Variants in ADAMTS5 observed in about 807,000 individuals in gnomAD.
ADAMTS5 encodes the protein ADAM metallopeptidase with thrombospondin type 1 motif 5.
In ADAMTS5, 54 loss-of-function variants were observed where a neutral mutation model predicts 81.4. That is an observed-to-expected ratio of 0.66 (90% CI 0.53 to 0.83). The LOEUF (loss-of-function observed/expected upper bound fraction) is 0.83. Ranked by LOEUF, ADAMTS5 falls within the 40% of genes least tolerant of loss-of-function variation. The pLI, the probability that ADAMTS5 is intolerant of heterozygous loss-of-function variation, is 0.00. For synonymous variants in ADAMTS5, 532 were observed against 508.8 expected (o/e 1.05, Z -0.61); for missense variants, 1,194 against 1,229.9 (o/e 0.97, Z 0.44).
At chr21:26,959,406 T>G (rs188613331) in intron 1 of ADAMTS5, among the ~76,000 whole-genome samples, 92 of 152,256 alleles carry the variant, frequency 6.0e-4, no homozygotes, top group South Asian at 6.2e-4. Context: ...TCAGGGGCAT[T>G]AAATGCTCCA....
intron 3 of ADAMTS5, among the ~76,000 whole-genome samples, chr21:26,941,807 T>C (rs1027259723): frequency 7.2e-5 from 11 of 152,080 alleles, no homozygotes; most frequent in African/African-American, 2.4e-4. Flanking sequence ...AGACTTAAGA[T>C]TCCACCCAAG....
intron 2 of ADAMTS5, among the ~76,000 whole-genome samples, chr21:26,952,804 T>G (rs1008256939): frequency 6.6e-6 from 1 of 152,210 alleles, no homozygotes; most frequent in African/African-American, 2.4e-5. Context: ...ACCTTTCTTA[T>G]GGGACTCCTC....
chr21:26,950,841 T>G (rs233898), intron 2 of ADAMTS5, among the ~76,000 whole-genome samples: 46,261 of 151,972 alleles, frequency 0.3, 7,564 homozygotes, highest in South Asian at 0.41. Context: ...CTATTTACCT[T>G]ATGAGTTAAT....
At chr21:26,946,528 T>C (rs1987219189) in intron 2 of ADAMTS5, among the ~76,000 whole-genome samples, 2 of 152,126 alleles carry the variant, frequency 1.3e-5, no homozygotes, top group East Asian at 1.9e-4. Context: ...GACATCTGCC[T>C]TTTCAGGGAG....
intron 3 of ADAMTS5, among the ~76,000 whole-genome samples, chr21:26,938,229 G>A (rs549488259): frequency 6.6e-6 from 1 of 151,378 alleles, no homozygotes; most frequent in African/African-American, 2.4e-5. Flanking sequence ...GGGCAACAAA[G>A]AGCGAAACTC....
rs1030260060 is a variant in ADAMTS5 at position 26,921,803 on chromosome 21, C to T, written c.*2250G>A. The T allele has an allele frequency of 6.6e-6, 1 of 152,322 alleles. No individual in the cohort carries two copies. The highest frequency in any genetic ancestry group is 2.4e-5 in the African/African-American group (1 of 41,364). 9.4% of individuals were successfully genotyped at this position (152,322 alleles called of 1,614,324 possible). A position where few individuals can be genotyped will look rare whatever the true frequency, so the allele number is the denominator to read the frequency against. ...GATTGTTTCCATGACAGGTGTAAAC[C>T]ATCACTATTTGAGGGAAACATGAAT... On this transcript the variant is annotated 3_prime_UTR_variant, in exon 8 of 8. Coordinates refer to ENST00000284987, the MANE Select transcript of ADAMTS5 (RefSeq NM_007038.5).
chr21:26,929,984 G>A lies in ADAMTS5; in HGVS notation c.2127C>T (p.Asp709=), dbSNP rs778127590. 15 of 1,613,898 alleles carry A rather than the reference G, an allele frequency of 9.3e-6. No homozygotes were observed. Among genetic ancestry groups the A allele is most frequent in the East Asian group, 2.2e-5 (1 of 44,892 alleles). The change falls in exon 7 of 8, where the codon GAC becomes GAT. Residue 709 remains aspartate, a synonymous_variant. Coordinates refer to ENST00000284987, the MANE Select transcript of ADAMTS5 (RefSeq NM_007038.5). ...ACTGCAGCTTTGAGCCAATGATGCC[G>A]TCACAGCCAGTTCTCACACACTTCC... ...VRGKCVRTGC[D]GIIGSKLQYD... is the part of the protein sequence containing the mutation.
Position 26,929,906 on chromosome 21 carries a change from A to AAC in ADAMTS5, c.2203_2204dup (p.Gly736LeufsTer15). On this transcript the variant is annotated frameshift_variant, in exon 7 of 8. Coordinates refer to ENST00000284987, the MANE Select transcript of ADAMTS5 (RefSeq NM_007038.5). LOFTEE classifies it high-confidence loss of function. ...ATTACCTTTTCTTATTAAAGGTTCC[A>AAC]ACAATCTTTGTACAGCTGGAGTTGT... 1 of 1,614,078 alleles carries AAC rather than the reference A, an allele frequency of 6.2e-7. No individual in the cohort carries two copies. Among genetic ancestry groups the AAC allele is most frequent in the Non-Finnish European group, 8.5e-7 (1 of 1,179,938 alleles).
In ADAMTS5 at chr21:26,966,526, G is replaced by A; in HGVS notation, c.-135C>T. The A allele has an allele frequency of 1.1e-6, 1 of 892,496 alleles. No individual in the cohort carries two copies. Among genetic ancestry groups the A allele is most frequent in the Non-Finnish European group, 1.5e-6 (1 of 651,876 alleles). The allele number at this position is 892,496 out of a possible 1,614,324, so 55.3% of individuals were successfully genotyped here. On this transcript the variant is annotated 5_prime_UTR_variant, in exon 1 of 8. Coordinates refer to ENST00000284987, the MANE Select transcript of ADAMTS5 (RefSeq NM_007038.5). ...GGATTGAGTCAAGTGTCGGAGGGAG[G>A]GGGGCCCGGCAGCAGCGCCAGCCTG...
intron 1 of ADAMTS5, among the ~76,000 whole-genome samples, chr21:26,959,653 A>G (rs1987491270): frequency 6.6e-6 from 1 of 152,226 alleles, no homozygotes. Context: ...ATTTAGAGGT[A>G]TACTAAATAT....
intron 4 of ADAMTS5, among the ~76,000 whole-genome samples, chr21:26,933,719 G>C (rs1986957986): frequency 6.6e-6 from 1 of 152,206 alleles, no homozygotes; most frequent in Non-Finnish European, 1.5e-5. Flanking sequence ...TAGAGATTCT[G>C]AAAGGAAGAA....
intron 5 of ADAMTS5, among the ~76,000 whole-genome samples, 155 bp downstream of exon 5, chr21:26,932,706 A>AACAAAC (rs144587796): frequency 9.3e-5 from 14 of 151,258 alleles, no homozygotes; most frequent in Non-Finnish European, 5.9e-5. Flanking sequence ...ATCTCAAAAA[A>AACAAAC]AAACAAACAC....
rs1175252840 is a variant in ADAMTS5 at position 26,919,208 on chromosome 21, C to A, written c.*4845G>T. 6.6e-6 allele frequency: 1 copy of A among 151,050 alleles called. No homozygotes were observed. The highest frequency in any genetic ancestry group is 1.5e-5 in the Non-Finnish European group (1 of 67,806). The allele number at this position is 151,050 out of a possible 1,614,324, so 9.4% of individuals were successfully genotyped here. A position where few individuals can be genotyped will look rare whatever the true frequency, so the allele number is the denominator to read the frequency against. ...AGGAAAGTGGAAAAAAATTAAAAAG[C>A]ATGCCCTGTTTTTTATTTGTTTTTT... is the stretch of plus-strand genomic sequence containing the variant. On this transcript the variant is annotated 3_prime_UTR_variant, in exon 8 of 8. Transcript: ENST00000284987.
rs558075524 is a variant in ADAMTS5, at chr21:26,965,787, G to A, written c.605C>T (p.Ala202Val). The A allele has an allele frequency of 6.2e-7, 1 of 1,603,520 alleles. No individual in the cohort carries two copies. Among genetic ancestry groups the A allele is most frequent in the African/African-American group, 1.3e-5 (1 of 74,844 alleles). ...TTCGCAGCTGGCGCGCGGCGGCAGG[G>A]CCTCGAAGCTGAAGCCCTCGCGGGT... ...VYTREGFSFE[A>V]LPPRASCETP... Residue 202 changes from alanine (A) to valine (V), a missense_variant, in exon 1 of 8, where the codon GCC becomes GTC. Coordinates refer to ENST00000284987, the MANE Select transcript of ADAMTS5 (RefSeq NM_007038.5).
At chr21:26,931,278 C>A (rs1164289759) in intron 6 of ADAMTS5, among the ~76,000 whole-genome samples, 1 of 152,114 alleles carries the variant, frequency 6.6e-6, no homozygotes, top group African/African-American at 2.4e-5. Flanking sequence ...ATCTCCTGAC[C>A]TTGTGATCTG....
chr21:26,936,191 G>A (rs1405096209), intron 3 of ADAMTS5, among the ~76,000 whole-genome samples: 2 of 152,164 alleles, frequency 1.3e-5, no homozygotes, highest in South Asian at 2.1e-4. Flanking sequence ...TAGATATTGA[G>A]CTTAATGGAA....
chr21:26,964,399 T>TG (rs755309487), intron 1 of ADAMTS5, among the ~76,000 whole-genome samples: 3 of 152,228 alleles, frequency 2.0e-5, no homozygotes, highest in Non-Finnish European at 4.4e-5. Context: ...ATTTCTTTGC[T>TG]TCCCCATAAC....
At chr21:26,944,240 T>C (rs1028743232) in intron 2 of ADAMTS5, among the ~76,000 whole-genome samples, 2 of 152,168 alleles carry the variant, frequency 1.3e-5, no homozygotes, top group African/African-American at 2.4e-5. Flanking sequence ...AACATACCCA[T>C]TTACATTTTA....
At position 26,940,161 on chromosome 21, in the gene ADAMTS5, G is replaced by A. The variant is rs2830588; in HGVS notation, c.1405+3219C>T. On this transcript the variant is annotated intron_variant, in intron 3 of 7. Transcript: ENST00000284987. ...TGCTTTGAATTTAACTTTACTCTCC[G>A]ACCTCATTTCTCCAGTATTGCTGAA... 0.017 allele frequency among the ~76,000 whole-genome samples: 2,561 copies of A among 152,160 alleles called. 179 individuals carry two copies. The East Asian group carries it at 0.23, about 14-fold the overall frequency.
Sources: gnomAD v4.1 joint callset for allele counts (sites outside exome capture counted in the v4.1 genomes callset) on GRCh38, gnomAD v4.1.1 for gene constraint, MANE v1.5 for transcripts, NCBI Gene and HGNC (gene_info 2026-07-23, HGNC 2026-07-21) for gene names.